The following OGFOD1 variants were observed in gnomAD, a reference collection of about 807,000 sequenced individuals.
OGFOD1 encodes the protein prolyl 3-hydroxylase OGFOD1.
A neutral mutation model predicts 67.7 loss-of-function variants in OGFOD1; 54 were observed. That is an observed-to-expected ratio of 0.80 (90% confidence interval 0.64 to 1.00). The LOEUF (loss-of-function observed/expected upper bound fraction) is 1.00, where lower values mean the gene tolerates loss of function less well. OGFOD1 is among the 50% of genes least tolerant of loss of function. The probability of loss-of-function intolerance (pLI) is 0.00; values close to 1 mark genes in which losing one functional copy is unlikely to be tolerated. For missense variants in OGFOD1, 606 were observed against 646.7 expected (o/e 0.94, Z 0.68); for synonymous variants, 221 against 227.0 (o/e 0.97, Z 0.24).
At chr16:56,471,583 C>T (rs1963187414) in intron 10 of OGFOD1, among the ~76,000 whole-genome samples, 1 of 152,222 alleles carries the variant, frequency 6.6e-6, no homozygotes, top group African/African-American at 2.4e-5. Flanking sequence ...GAACATCTGT[C>T]ACCCAGTTTA....
intron 8 of OGFOD1, among the ~76,000 whole-genome samples, chr16:56,469,306 G>A (rs572381653): frequency 8.1e-4 from 123 of 152,232 alleles, no homozygotes; most frequent in Non-Finnish European, 1.6e-3. Context: ...AGATTGTCAC[G>A]GTAATGACCT....
intron 4 of OGFOD1, among the ~76,000 whole-genome samples, chr16:56,464,568 G>A (rs1230952709): frequency 3.3e-5 from 5 of 151,950 alleles, no homozygotes; most frequent in African/African-American, 7.3e-5. Flanking sequence ...TTATTCATTC[G>A]TTTATATTGG....
Position 56,466,926 on chromosome 16 carries a change from A to C in OGFOD1, c.616A>C (p.Lys206Gln). 1.2e-6 allele frequency: 2 copies of C among 1,614,028 alleles called. No individual in the cohort carries two copies. Among genetic ancestry groups the C allele is most frequent in the Non-Finnish European group, 1.7e-6 (2 of 1,179,872 alleles). ...IVKSLIPSWNKLVFFEVSPVS... is the reference protein window; with the variant it reads ...IVKSLIPSWNQLVFFEVSPVS... ...CAAGTCTCTTATCCCTTCGTGGAAC[A>C]AACTGGTTTTCTTTGAAGTATCTCC... The change falls in exon 6 of 13, where the codon AAA becomes CAA. Residue 206 changes from lysine (K) to glutamine (Q), a missense_variant. Lys to Gln is a moderately conservative substitution (Grantham distance 53). Transcript: ENST00000566157.
chr16:56,451,845 C>G (rs1384617200), intron 1 of OGFOD1, 79 bp downstream of exon 1: 2 of 1,503,278 alleles, frequency 1.3e-6, no homozygotes, highest in Non-Finnish European at 1.8e-6. Context: ...TCGCGCCCAG[C>G]CTTGGGCAGC....
chr16:56,458,358 C>G, intron 2 of OGFOD1, 190 bp from the exon 3 acceptor site: 1 of 611,988 alleles, frequency 1.6e-6, no homozygotes, highest in South Asian at 1.9e-5. Context: ...GAATAAAGCA[C>G]AGAGGGTAAT....
chr16:56,478,504 C>T lies in OGFOD1; in HGVS notation c.*2299C>T, dbSNP rs1963575491. ...ACTAAAGGTCATCTCACTCACTTGC[C>T]TTCTGATGTGTTTTCATGAGTTGAG... On this transcript the variant is annotated 3_prime_UTR_variant, in exon 13 of 13. Transcript: ENST00000566157. The T allele has an allele frequency of 6.6e-6, 1 of 152,144 alleles. No homozygotes were observed. The highest frequency in any genetic ancestry group is 1.5e-5 in the Non-Finnish European group (1 of 68,036). 9.4% of individuals were successfully genotyped at this position (152,144 alleles called of 1,614,324 possible).
At chr16:56,466,629 GAAGTTGA>G (rs1458901868) in intron 5 of OGFOD1, among the ~76,000 whole-genome samples, 13 of 152,222 alleles carry the variant, frequency 8.5e-5, no homozygotes, top group African/African-American at 2.9e-4. Flanking sequence ...TCTAGCACCA[GAAGTTGA>G]CTCCAGGAAA....
At position 56,476,421 on chromosome 16, in the gene OGFOD1, CTTTTTTT is replaced by C. The variant is rs369101951; in HGVS notation, c.*222_*228del. The C allele has an allele frequency of 2.9e-3, 824 of 287,540 alleles. 7 individuals are homozygous for C. The highest frequency in any genetic ancestry group is 0.018 in the African/African-American group (763 of 42,928). The allele number at this position is 287,540 out of a possible 1,614,324, so 17.8% of individuals were successfully genotyped here. On this transcript the variant is annotated 3_prime_UTR_variant, in exon 13 of 13. Transcript: ENST00000566157. ...CTCTTGATTAAAAAAAAAAAGTTGG[CTTTTTTT>C]TTTTTAACATTTAGTCCTTTTTCCA...
intron 1 of OGFOD1, among the ~76,000 whole-genome samples, chr16:56,452,948 T>C (rs1193374041): frequency 1.3e-5 from 2 of 151,992 alleles, no homozygotes; most frequent in Non-Finnish European, 2.9e-5. Flanking sequence ...GGAAATGAAT[T>C]AAAAATCTAA....
At position 56,476,396 on chromosome 16, in the gene OGFOD1, C is replaced by A; in HGVS notation, c.*191C>A. 1 of 376,808 alleles carries A rather than the reference C, an allele frequency of 2.7e-6. No individual in the cohort carries two copies. 23.3% of individuals were successfully genotyped at this position (376,808 alleles called of 1,614,324 possible). A position where few individuals can be genotyped will look rare whatever the true frequency, so the allele number is the denominator to read the frequency against. On this transcript the variant is annotated 3_prime_UTR_variant, in exon 13 of 13. Transcript: ENST00000566157. Reference sequence around the variant, plus strand: ...CTTGAGCTTGCAGCTAAGTACTTATCTCTTGATTAAAAAAAAAAAGTTGGC... The same window carrying A: ...CTTGAGCTTGCAGCTAAGTACTTATATCTTGATTAAAAAAAAAAAGTTGGC...
chr16:56,470,018 A>C lies in OGFOD1; in HGVS notation c.916A>C (p.Lys306Gln). 1 of 1,614,088 alleles carries C rather than the reference A, an allele frequency of 6.2e-7. No individual in the cohort carries two copies. Among genetic ancestry groups the C allele is most frequent in the Non-Finnish European group, 8.5e-7 (1 of 1,179,996 alleles). The change falls in exon 9 of 13, where the codon AAA becomes CAA. Residue 306 changes from lysine to glutamine, a missense_variant. Lys to Gln is a moderately conservative substitution (Grantham distance 53). Transcript: ENST00000566157. ...KEFLKPEKFTKVCEALEHGHV... is the reference protein window; with the variant it reads ...KEFLKPEKFTQVCEALEHGHV... ...CATTTTCTAGCCTGAGAAATTCACG[A>C]AAGTCTGTGAGGCCTTGGAGCATGG...
At chr16:56,475,907 AG>A in intron 12 of OGFOD1, 136 bp from the exon 13 acceptor site, 2 of 738,866 alleles carry the variant, frequency 2.7e-6, no homozygotes, top group Non-Finnish European at 4.4e-6. Flanking sequence ...AGCCACCCCT[AG>A]TAAGTGTTCA....
Position 56,474,919 on chromosome 16 carries a change from C to T in OGFOD1, c.1377C>T (p.Ala459=), listed in dbSNP as rs1252181205. Residue 459 remains alanine, a synonymous_variant, in exon 11 of 13, where the codon GCC becomes GCT. Transcript: ENST00000566157. ...ATGACCATAGCAAGGCTGAATTTGC[C>T]CTAGACTTAATTCTGTACTGTGGCT... ...LIHDHSKAEF[A]LDLILYCGCE... 2 of 1,613,868 alleles carry T rather than the reference C, an allele frequency of 1.2e-6. No homozygotes were observed. The highest frequency in any genetic ancestry group is 1.1e-5 in the South Asian group (1 of 91,068).
At position 56,474,850 on chromosome 16, in the gene OGFOD1, A is replaced by AG; in HGVS notation, c.1312dup (p.Glu438GlyfsTer15). Reference sequence around the variant, plus strand: ...TAGAATCAAGTGTTCCCATGTGCCAAGGGGAACTGAGGCATTGGAAGACCG... The same window carrying AG: ...TAGAATCAAGTGTTCCCATGTGCCAAGGGGGAACTGAGGCATTGGAAGACCG... On this transcript the variant is annotated frameshift_variant, in exon 11 of 13. Transcript: ENST00000566157. LOFTEE classifies it high-confidence loss of function. 6.2e-7 allele frequency: 1 copy of AG among 1,612,896 alleles called. No homozygotes were observed. The highest frequency in any genetic ancestry group is 8.5e-7 in the Non-Finnish European group (1 of 1,179,332).
chr16:56,452,373 G>A (rs1331434715), intron 1 of OGFOD1, among the ~76,000 whole-genome samples: 1 of 152,188 alleles, frequency 6.6e-6, no homozygotes, highest in Non-Finnish European at 1.5e-5. Flanking sequence ...CCTGTAGTTT[G>A]ACTCCATGAT....
At chr16:56,457,228 C>G (rs1962552286) in intron 2 of OGFOD1, among the ~76,000 whole-genome samples, 1 of 152,174 alleles carries the variant, frequency 6.6e-6, no homozygotes, top group African/African-American at 2.4e-5. Flanking sequence ...GAATACAACT[C>G]AGCCATTAAA....
rs367724006 is a variant in OGFOD1, at chr16:56,470,619, G to A, written c.1113G>A (p.Ser371=). The A allele has an allele frequency of 2.8e-5, 45 of 1,613,954 alleles. No homozygotes were observed. Among genetic ancestry groups the A allele is most frequent in the Non-Finnish European group, 3.4e-5 (40 of 1,180,026 alleles). Residue 371 remains serine, a synonymous_variant, in exon 10 of 13, where the codon TCG becomes TCA. Coordinates refer to ENST00000566157, the MANE Select transcript of OGFOD1 (RefSeq NM_018233.4). ...TGLKLHFLAP[S]EEDEMNDKKE... is the part of the protein sequence containing the mutation. Reference sequence around the variant, plus strand: ...TGAAGCTTCATTTCTTGGCCCCTTCGGAAGAAGATGAGATGAATGATAAAA... The same window carrying A: ...TGAAGCTTCATTTCTTGGCCCCTTCAGAAGAAGATGAGATGAATGATAAAA...
chr16:56,467,628 T>C (rs909502059), intron 7 of OGFOD1, among the ~76,000 whole-genome samples: 17 of 152,054 alleles, frequency 1.1e-4, no homozygotes, highest in Non-Finnish European at 2.1e-4. Flanking sequence ...GGTTTCACCA[T>C]GTTGGCCAGG....
intron 1 of OGFOD1, chr16:56,452,336 A>G (rs11640819): frequency 0.67 from 101,788 of 152,128 alleles, 36,114 homozygotes; most frequent in African/African-American, 0.92. Context: ...TGCCAGCTTG[A>G]CTCCCTAGTG....
Sources: gnomAD v4.1 joint callset for allele counts (sites outside exome capture counted in the v4.1 genomes callset) on GRCh38, gnomAD v4.1.1 for gene constraint, MANE v1.5 for transcripts, NCBI Gene and HGNC (gene_info 2026-07-23, HGNC 2026-07-21) for gene names.